The following RHOQ variants were observed in gnomAD, a reference collection of about 807,000 sequenced individuals.
The protein encoded by RHOQ is ras homolog family member Q, also known as rho-related GTP-binding protein RhoQ.
In RHOQ, 7 loss-of-function variants were observed where a neutral mutation model predicts 25.8. The ratio of observed to expected loss-of-function variants is 0.27; its 90% CI spans 0.15 to 0.51. The LOEUF (loss-of-function observed/expected upper bound fraction) is 0.51, where lower values mean the gene tolerates loss of function less well. Among genes scored for constraint, RHOQ ranks in the 20% least tolerant of loss-of-function variants. The pLI is 0.97. For missense variants in RHOQ, 165 were observed against 260.6 expected (o/e 0.63, Z 2.53); for synonymous variants, 97 against 98.6 (o/e 0.98, Z 0.10).
At position 46,548,756 on chromosome 2, in the gene RHOQ, CTGTAGATT is replaced by C. The variant is rs1162140724; in HGVS notation, c.201+4948_201+4955del. Among the ~76,000 whole-genome samples, 1 of 152,000 alleles carries C rather than the reference CTGTAGATT, an allele frequency of 6.6e-6. No individual in the cohort carries two copies. The highest frequency in any genetic ancestry group is 2.4e-5 in the African/African-American group (1 of 41,304). On this transcript the variant is annotated intron_variant, in intron 2 of 4. Transcript: ENST00000238738. The surrounding 1 kb of genome is among the most constrained non-coding windows in gnomAD (Gnocchi z 5.2). ...CATCCTGGTTTCCCTTAGTAACCTA[CTGTAGATT>C]TGTCATGTGTGCATTTTGCTAACCT... is the stretch of plus-strand genomic sequence containing the variant.
chr2:46,567,792 C>T (rs1215251070), intron 2 of RHOQ, among the ~76,000 whole-genome samples: 3 of 152,138 alleles, frequency 2.0e-5, no homozygotes, highest in Non-Finnish European at 4.4e-5. Context: ...GGCCGTGGCT[C>T]ATGCCTATAA....
At position 46,542,572 on chromosome 2, in the gene RHOQ, G is replaced by C. The variant is rs1048626224; in HGVS notation, c.-475G>C. ...GCAGGGCCGCGCGGCGGCAGCAGGC[G>C]GGGGCGCGTGGCGCGGGCCGCGCTC... On this transcript the variant is annotated 5_prime_UTR_variant, in exon 1 of 5. Transcript: ENST00000238738. 8 of 147,232 alleles carry C rather than the reference G, an allele frequency of 5.4e-5. 1 individual carries two copies. Among genetic ancestry groups the C allele is most frequent in the African/African-American group, 2.0e-4 (8 of 40,954 alleles). The allele number at this position is 147,232 out of a possible 1,614,324, so 9.1% of individuals were successfully genotyped here.
At chr2:46,544,250 A>C (rs1572731322) in intron 2 of RHOQ, among the ~76,000 whole-genome samples, 1 of 152,286 alleles carries the variant, frequency 6.6e-6, no homozygotes, top group East Asian at 1.9e-4. Context: ...ATATGATGGG[A>C]AGGCATTTGG....
intron 2 of RHOQ, among the ~76,000 whole-genome samples, chr2:46,545,021 G>T (rs1668000897): frequency 6.6e-6 from 1 of 152,202 alleles, no homozygotes; most frequent in South Asian, 2.1e-4. Context: ...GAGGGGGAGT[G>T]CCTTGATGTG....
chr2:46,563,898 C>T (rs1668647614), intron 2 of RHOQ, among the ~76,000 whole-genome samples: 3 of 152,004 alleles, frequency 2.0e-5, no homozygotes. Context: ...GATCCTCCTG[C>T]CTTGGCTTCC....
rs934659931 is a variant in RHOQ, at chr2:46,584,276, C to T, written c.*3193C>T. On this transcript the variant is annotated 3_prime_UTR_variant, in exon 5 of 5. Coordinates refer to ENST00000238738, the MANE Select transcript of RHOQ (RefSeq NM_012249.4). ...ACCTTAGTAGTTTTTATTTATTACC[C>T]TATGTAAACATTTAGGATAATACTC... 6.6e-6 allele frequency among the ~76,000 whole-genome samples: 1 copy of T among 151,976 alleles called. No individual in the cohort carries two copies. Among genetic ancestry groups the T allele is most frequent in the African/African-American group, 2.4e-5 (1 of 41,390 alleles).
rs142241506 is a variant in RHOQ at position 46,544,813 on chromosome 2, G to C, written c.201+1001G>C. Reference sequence around the variant, plus strand: ...TGTCTTTGGGGGAAGTCCAGTAGTAGAATTTCCTTATCTGCAAAATGGGGT... The same window carrying C: ...TGTCTTTGGGGGAAGTCCAGTAGTACAATTTCCTTATCTGCAAAATGGGGT... On this transcript the variant is annotated intron_variant, in intron 2 of 4. Coordinates refer to ENST00000238738, the MANE Select transcript of RHOQ (RefSeq NM_012249.4). Among the ~76,000 whole-genome samples, 1,259 of 152,284 alleles carry C rather than the reference G, an allele frequency of 8.3e-3. 22 individuals carry two copies. The highest frequency in any genetic ancestry group is 0.028 in the African/African-American group (1,177 of 41,532).
rs1407866410 is a variant in RHOQ, at chr2:46,556,900, G to C, written c.201+13088G>C. Among the ~76,000 whole-genome samples the C allele has an allele frequency of 6.6e-6, 1 of 152,276 alleles. No homozygotes were observed. The highest frequency in any genetic ancestry group is 1.9e-4 in the East Asian group (1 of 5,180). ...GGCTTTCAAGGACCATCAGGTACATGGGTCTGATTTATGTTAACTCGTAAG... is the reference window on the plus strand; with the variant it reads ...GGCTTTCAAGGACCATCAGGTACATCGGTCTGATTTATGTTAACTCGTAAG... On this transcript the variant is annotated intron_variant, in intron 2 of 4. Coordinates refer to ENST00000238738, the MANE Select transcript of RHOQ (RefSeq NM_012249.4). The surrounding 1 kb of genome is among the most constrained non-coding windows in gnomAD (Gnocchi z 4.9).
At chr2:46,558,850 C>G (rs1390563989) in intron 2 of RHOQ, among the ~76,000 whole-genome samples, 1 of 152,180 alleles carries the variant, frequency 6.6e-6, no homozygotes, top group Admixed American at 6.5e-5. Context: ...AGTTTATCAT[C>G]TACCCCTTCT....
chr2:46,551,731 A>T (rs2103988839), intron 2 of RHOQ, among the ~76,000 whole-genome samples: 1 of 152,358 alleles, frequency 6.6e-6, no homozygotes, highest in Non-Finnish European at 1.5e-5. Flanking sequence ...CCGCCTCTCC[A>T]GATCCCTAGA....
Position 46,559,848 on chromosome 2 carries a change from C to T in RHOQ, c.201+16036C>T, listed in dbSNP as rs75154258. The stretch of plus-strand genomic sequence containing the variant: ...GGAAAGAATCTTCTACTCTTCTGCC[C>T]GAGGGATTCATCCTGGGAGGCGAGT... On this transcript the variant is annotated intron_variant, in intron 2 of 4. Transcript: ENST00000238738. 6.0e-3 allele frequency among the ~76,000 whole-genome samples: 918 copies of T among 152,178 alleles called. 12 individuals are homozygous for T. The highest frequency in any genetic ancestry group is 0.041 in the South Asian group (199 of 4,816).
chr2:46,563,317 G>A (rs1222752488), intron 2 of RHOQ, among the ~76,000 whole-genome samples: 1 of 152,196 alleles, frequency 6.6e-6, no homozygotes, highest in Non-Finnish European at 1.5e-5. Flanking sequence ...TCATCAGTGA[G>A]GTGGCAGCTG....
At chr2:46,567,742 G>A (rs1004350335) in intron 2 of RHOQ, among the ~76,000 whole-genome samples, 11 of 151,980 alleles carry the variant, frequency 7.2e-5, no homozygotes, top group African/African-American at 2.4e-4. Flanking sequence ...CTTCAATGTG[G>A]ACTGAAATTA....
In RHOQ at chr2:46,576,219, C is replaced by T; in HGVS notation, c.334C>T (p.Pro112Ser). The T allele has an allele frequency of 1.2e-6, 2 of 1,607,850 alleles. No homozygotes were observed. Among genetic ancestry groups the T allele is most frequent in the Non-Finnish European group, 1.7e-6 (2 of 1,177,990 alleles). The change falls in exon 3 of 5, where the codon CCA (proline) becomes TCA (serine). Residue 112 changes from proline (P) to serine (S), a missense_variant. Pro to Ser is a moderately conservative substitution (Grantham distance 74). Transcript: ENST00000238738. The surrounding 1 kb of genome is among the most constrained non-coding windows in gnomAD (Gnocchi z 5.1). ...GGTACCGGAACTTAAGGAATACGCA[C>T]CAAATGTACCCTTTTTATTAATAGG... is the stretch of plus-strand genomic sequence containing the variant. The part of the protein sequence containing the change: ...EWVPELKEYA[P>S]NVPFLLIGTQ...
intron 2 of RHOQ, among the ~76,000 whole-genome samples, chr2:46,561,466 G>A (rs1211821889): frequency 6.6e-6 from 1 of 152,138 alleles, no homozygotes; most frequent in East Asian, 1.9e-4. Flanking sequence ...CATCGGAGAA[G>A]CCATTAAATC....
intron 2 of RHOQ, 112 bp from the exon 3 acceptor site, chr2:46,575,975 C>A (rs1669110035): frequency 3.8e-6 from 3 of 784,310 alleles, no homozygotes; most frequent in Non-Finnish European, 5.7e-6. Flanking sequence ...GCCATACATT[C>A]CACTAGTGGA....
intron 2 of RHOQ, among the ~76,000 whole-genome samples, chr2:46,574,882 A>G (rs1449544900): frequency 6.6e-6 from 1 of 152,252 alleles, no homozygotes; most frequent in East Asian, 1.9e-4. Context: ...ATATTCCCTT[A>G]GTTCCACATT....
intron 2 of RHOQ, among the ~76,000 whole-genome samples, chr2:46,554,223 T>C (rs535478172): frequency 6.6e-6 from 1 of 152,242 alleles, no homozygotes; most frequent in Admixed American, 6.5e-5. Flanking sequence ...AGATTATCCG[T>C]AATTACTGGA....
intron 2 of RHOQ, among the ~76,000 whole-genome samples, chr2:46,575,579 C>G (rs1257584443): frequency 6.6e-6 from 1 of 152,084 alleles, no homozygotes; most frequent in Non-Finnish European, 1.5e-5. Context: ...GGCTACACAT[C>G]CTTACGCAAG....
Sources: allele counts gnomAD v4.1 joint callset (sites outside exome capture counted in the v4.1 genomes callset), GRCh38; gene constraint gnomAD v4.1.1; non-coding constraint Gnocchi (gnomAD v3.1); transcripts MANE v1.5; gene names NCBI Gene and HGNC (gene_info 2026-07-23, HGNC 2026-07-21).